Variants in INSL6 observed in about 807,000 individuals in gnomAD.
INSL6 encodes insulin-like peptide INSL6.
In INSL6, 16 loss-of-function variants were observed where a neutral mutation model predicts 9.4. The ratio of observed to expected loss-of-function variants is 1.70; its 90% CI spans 1.15 to 2.59. The LOEUF (loss-of-function observed/expected upper bound fraction) is 2.59. Among genes scored for constraint, INSL6 ranks in the 30% most tolerant of loss-of-function variants. The probability of loss-of-function intolerance (pLI) is 0.00; values close to 1 mark genes in which losing one functional copy is unlikely to be tolerated. For missense variants in INSL6, 391 were observed against 257.3 expected (o/e 1.52, Z -3.56); for synonymous variants, 154 against 96.9 (o/e 1.59, Z -3.46).
At chr9:5,066,272 C>T in the INSL6 span, among the ~76,000 whole-genome samples, 16 of 152,130 alleles carry the variant, frequency 1.1e-4, no homozygotes, top group Admixed American at 2.6e-4. Flanking sequence ...ATCATGCATT[C>T]AGATTTTTAT....
chr9:5,101,885 C>T, the INSL6 span, among the ~76,000 whole-genome samples: 17 of 152,296 alleles, frequency 1.1e-4, no homozygotes, highest in African/African-American at 3.1e-4. Flanking sequence ...CACACCAAAA[C>T]CCCATCTGTA....
At chr9:5,161,260 GAA>G (rs1296482634), downstream of INSL6, among the ~76,000 whole-genome samples, 1 of 152,058 alleles carries the variant, frequency 6.6e-6, no homozygotes, top group Non-Finnish European at 1.5e-5. Flanking sequence ...TTTATTCCAG[GAA>G]TGCAAGAACG....
chr9:5,073,811 T>A, the INSL6 span: 1 of 1,402,724 alleles, frequency 7.1e-7, no homozygotes, highest in Non-Finnish European at 1.0e-6. Flanking sequence ...GGCTTTCTAA[T>A]GCCTTTCTCA....
the INSL6 span, among the ~76,000 whole-genome samples, chr9:5,088,790 A>T: frequency 6.6e-6 from 1 of 152,206 alleles, no homozygotes; most frequent in African/African-American, 2.4e-5. Context: ...GATTGCTCTA[A>T]TGTCTCTTCC....
chr9:5,035,534 C>T, the INSL6 span, among the ~76,000 whole-genome samples: 1 of 152,198 alleles, frequency 6.6e-6, no homozygotes, highest in Admixed American at 6.5e-5. Flanking sequence ...GCTTATCCAC[C>T]ATGATCAAGT....
chr9:5,136,716 A>G (rs1460367492), intron 2 of INSL6, among the ~76,000 whole-genome samples: 2 of 152,234 alleles, frequency 1.3e-5, no homozygotes. Context: ...GGCACAAGAC[A>G]AGGATGCCTT....
chr9:5,054,488 T>A, the INSL6 span: 1 of 1,295,692 alleles, frequency 7.7e-7, no homozygotes, highest in Non-Finnish European at 1.1e-6. The surrounding 1 kb of genome is among the most constrained non-coding windows in gnomAD (Gnocchi z 4.9). Flanking sequence ...GGTGGTAACT[T>A]CTTTTTCAAT....
the INSL6 span, among the ~76,000 whole-genome samples, chr9:5,030,970 A>G: frequency 6.6e-6 from 1 of 152,190 alleles, no homozygotes; most frequent in Non-Finnish European, 1.5e-5. Flanking sequence ...TATATAATAG[A>G]TAAAGAAGAT....
chr9:5,154,045 A>C (rs1207476359), intron 2 of INSL6, among the ~76,000 whole-genome samples: 1 of 152,232 alleles, frequency 6.6e-6, no homozygotes, highest in South Asian at 2.1e-4. Context: ...ACAAAGCTGG[A>C]GGCATCACAC....
At chr9:5,032,434 G>A in the INSL6 span, among the ~76,000 whole-genome samples, 13 of 152,338 alleles carry the variant, frequency 8.5e-5, no homozygotes, top group East Asian at 3.9e-4. Flanking sequence ...ATCTGAGAAC[G>A]GACAGACTGC....
chr9:5,023,339 A>G, the INSL6 span, among the ~76,000 whole-genome samples: 1 of 152,146 alleles, frequency 6.6e-6, no homozygotes, highest in African/African-American at 2.4e-5. Flanking sequence ...ACATGATTAC[A>G]TTCTTTTTTA....
intron 2 of INSL6, among the ~76,000 whole-genome samples, chr9:5,143,527 G>T (rs745616619): frequency 1.3e-5 from 2 of 151,828 alleles, no homozygotes; most frequent in Non-Finnish European, 2.9e-5. Context: ...TGGGGTCAGT[G>T]GTAATAACCC....
the INSL6 span, among the ~76,000 whole-genome samples, chr9:5,006,974 G>A: frequency 3.9e-5 from 6 of 152,076 alleles, no homozygotes. Flanking sequence ...TGGTAATAAT[G>A]TCTACTTTTT....
intron 1 of INSL6, among the ~76,000 whole-genome samples, chr9:5,167,703 G>T (rs761502555): frequency 6.6e-6 from 1 of 152,176 alleles, no homozygotes; most frequent in Non-Finnish European, 1.5e-5. Context: ...TCTGGAGAGG[G>T]AGATTTCTGC....
At chr9:4,999,833 C>T in the INSL6 span, among the ~76,000 whole-genome samples, 3 of 152,062 alleles carry the variant, frequency 2.0e-5, no homozygotes, top group Admixed American at 6.5e-5. Flanking sequence ...TAATTTTTTC[C>T]CAATATTTAG....
intron 2 of INSL6, among the ~76,000 whole-genome samples, chr9:5,138,704 C>T (rs928942628): frequency 6.9e-6 from 1 of 144,742 alleles, no homozygotes; most frequent in Non-Finnish European, 1.5e-5. Context: ...ACTTTCGGTA[C>T]ATGTACCCCA....
At chr9:5,159,492 C>T (rs536404166), downstream of INSL6, among the ~76,000 whole-genome samples, 18 of 151,914 alleles carry the variant, frequency 1.2e-4, 1 homozygote, top group African/African-American at 4.1e-4. Flanking sequence ...CAAAAACAAG[C>T]AGGAGTGACT....
intron 1 of INSL6, among the ~76,000 whole-genome samples, chr9:5,165,070 G>T (rs1396088629): frequency 6.6e-6 from 1 of 152,160 alleles, no homozygotes; most frequent in Non-Finnish European, 1.5e-5. Context: ...AATTAGCCAG[G>T]CATGGTGGTG....
At chr9:5,105,861 T>C in the INSL6 span, among the ~76,000 whole-genome samples, 1 of 152,244 alleles carries the variant, frequency 6.6e-6, no homozygotes, top group Non-Finnish European at 1.5e-5. Context: ...GCTAGCCATA[T>C]GTAGAAAGCT....
Sources: allele counts gnomAD v4.1 joint callset (sites outside exome capture counted in the v4.1 genomes callset), GRCh38; gene constraint gnomAD v4.1.1; non-coding constraint Gnocchi (gnomAD v3.1); transcripts MANE v1.5; gene names NCBI Gene and HGNC (gene_info 2026-07-23, HGNC 2026-07-21).